FOXP1: variants seen among roughly 807,000 people sequenced by gnomAD.
FOXP1 encodes forkhead box P1, also known as forkhead box protein P1.
A neutral mutation model predicts 98.2 loss-of-function variants in FOXP1; 15 were observed. The observed-to-expected ratio is 0.15, with a 90% CI of 0.10 to 0.24. The LOEUF is 0.24. Among genes scored for constraint, FOXP1 ranks in the 10% least tolerant of loss-of-function variants. FOXP1 has a pLI of 1.00. For missense variants in FOXP1, 633 were observed against 848.5 expected (o/e 0.75, Z 3.15); for synonymous variants, 371 against 314.5 (o/e 1.18, Z -1.90).
At chr3:71,174,785 T>TACACACACACACACACACACACAC (rs3064896) in intron 6 of FOXP1, among the ~76,000 whole-genome samples, 30 of 131,678 alleles carry the variant, frequency 2.3e-4, no homozygotes, top group Admixed American at 8.4e-4. Context: ...TGCACATGCA[T>TACACACACACACACACACACACAC]ACACACACAC....
chr3:71,144,284 T>C (rs2060202746), intron 6 of FOXP1, among the ~76,000 whole-genome samples: 1 of 152,192 alleles, frequency 6.6e-6, no homozygotes, highest in Non-Finnish European at 1.5e-5. Flanking sequence ...CTGAACTCTC[T>C]GTGGCCTCTT....
intron 7 of FOXP1, among the ~76,000 whole-genome samples, chr3:71,071,624 G>C (rs1022638733): frequency 1.3e-5 from 2 of 152,038 alleles, no homozygotes; most frequent in East Asian, 1.9e-4. Context: ...ACCCAGCCTG[G>C]AGTGCAATGG....
chr3:71,078,937 C>A (rs961565724), intron 7 of FOXP1, among the ~76,000 whole-genome samples: 1 of 152,148 alleles, frequency 6.6e-6, no homozygotes, highest in Non-Finnish European at 1.5e-5. Context: ...GACTTAAGAA[C>A]CAAGTTCATC....
At chr3:71,320,094 T>A (rs1409325250) in intron 4 of FOXP1, among the ~76,000 whole-genome samples, 2 of 152,106 alleles carry the variant, frequency 1.3e-5, no homozygotes, top group Non-Finnish European at 2.9e-5. Flanking sequence ...GACAAACTCA[T>A]CTTGCAAAAT....
intron 6 of FOXP1, among the ~76,000 whole-genome samples, chr3:71,178,691 G>A (rs1355937768): frequency 1.3e-5 from 2 of 151,764 alleles, no homozygotes; most frequent in Non-Finnish European, 2.9e-5. Flanking sequence ...AGACCATCCT[G>A]GCTAACATGG....
At chr3:71,005,903 C>A (rs907809883) in intron 12 of FOXP1, among the ~76,000 whole-genome samples, 8 of 152,060 alleles carry the variant, frequency 5.3e-5, no homozygotes, top group Admixed American at 1.3e-4. Flanking sequence ...CTGTCTAATA[C>A]ATCCTGGGCT....
chr3:71,013,662 A>G (rs1203818802), intron 12 of FOXP1, among the ~76,000 whole-genome samples: 1 of 152,226 alleles, frequency 6.6e-6, no homozygotes, highest in Non-Finnish European at 1.5e-5. Flanking sequence ...TAAAGTTCAT[A>G]TGGAACCAAA....
At chr3:71,281,039 CAAAAA>C (rs55640213) in intron 5 of FOXP1, among the ~76,000 whole-genome samples, 15 of 83,562 alleles carry the variant, frequency 1.8e-4, no homozygotes, top group Admixed American at 4.0e-4. Flanking sequence ...CCCTTCTCTA[CAAAAA>C]AAAAAAAAAA....
intron 3 of FOXP1, among the ~76,000 whole-genome samples, chr3:71,460,563 A>G (rs547608093): frequency 6.6e-5 from 10 of 152,056 alleles, no homozygotes; most frequent in African/African-American, 1.9e-4. Context: ...CAGCCTCCCA[A>G]GTAGCTGGGA....
At chr3:71,155,976 A>G (rs1266677060) in intron 6 of FOXP1, among the ~76,000 whole-genome samples, 1 of 152,184 alleles carries the variant, frequency 6.6e-6, no homozygotes, top group Non-Finnish European at 1.5e-5. Flanking sequence ...GCTAAATAAA[A>G]ATGGCTTGGC....
chr3:71,534,767 G>A (rs2044154955), intron 2 of FOXP1, among the ~76,000 whole-genome samples: 1 of 152,212 alleles, frequency 6.6e-6, no homozygotes, highest in South Asian at 2.1e-4. Context: ...GCTCACCACA[G>A]CCAGGGACCA....
chr3:71,287,289 T>C (rs2072253356), intron 5 of FOXP1, among the ~76,000 whole-genome samples: 1 of 151,784 alleles, frequency 6.6e-6, no homozygotes, highest in African/African-American at 2.4e-5. Flanking sequence ...CTGGGGAAAA[T>C]GGCGAAACCC....
intron 3 of FOXP1, among the ~76,000 whole-genome samples, chr3:71,431,802 C>A (rs534560581): frequency 1.7e-4 from 26 of 152,332 alleles, no homozygotes; most frequent in Non-Finnish European, 2.4e-4. Context: ...ATCCAGGCCT[C>A]CTGGCTTTTT....
chr3:70,979,679 G>A (rs1183902789), intron 14 of FOXP1, among the ~76,000 whole-genome samples: 1 of 151,286 alleles, frequency 6.6e-6, no homozygotes, highest in African/African-American at 2.4e-5. Context: ...ATTTGTGGAA[G>A]GTATTAAAAA....
chr3:71,195,745 G>T (rs1005115586), intron 6 of FOXP1, among the ~76,000 whole-genome samples: 1 of 152,166 alleles, frequency 6.6e-6, no homozygotes, highest in Non-Finnish European at 1.5e-5. Context: ...CCGCAGTAAT[G>T]AATTCAGCAT....
chr3:71,330,630 T>C (rs1251587042), intron 4 of FOXP1, among the ~76,000 whole-genome samples: 3 of 152,202 alleles, frequency 2.0e-5, no homozygotes, highest in Non-Finnish European at 4.4e-5. Context: ...TTAAGTGCAA[T>C]TAAGACATGA....
intron 6 of FOXP1, among the ~76,000 whole-genome samples, chr3:71,117,103 T>C (rs2058429115): frequency 6.7e-6 from 1 of 149,174 alleles, no homozygotes; most frequent in African/African-American, 2.5e-5. Context: ...TTTTTTTTTC[T>C]TTGAGACAAG....
At chr3:71,130,391 G>A (rs2059492285) in intron 6 of FOXP1, 9 of 1,125,148 alleles carry the variant, frequency 8.0e-6, no homozygotes, top group Non-Finnish European at 1.2e-5. Context: ...CAGTAAACAA[G>A]TTGGATCACC....
At chr3:71,556,576 CAAAAAAAAAAAAAA>C (rs757217111) in intron 2 of FOXP1, among the ~76,000 whole-genome samples, 4 of 29,818 alleles carry the variant, frequency 1.3e-4, no homozygotes, top group Non-Finnish European at 2.5e-4. Flanking sequence ...GACTCCGTCT[CAAAAAAAAAAAAAA>C]AAAAAAAAAA....
Sources: allele counts gnomAD v4.1 joint callset (sites outside exome capture counted in the v4.1 genomes callset), GRCh38; gene constraint gnomAD v4.1.1; transcripts MANE v1.5; gene names NCBI Gene and HGNC (gene_info 2026-07-23, HGNC 2026-07-21).